Variants in ST6GALNAC1 observed in about 807,000 individuals in gnomAD.
ST6GALNAC1 encodes alpha-N-acetylgalactosaminide alpha-2,6-sialyltransferase 1.
ST6GALNAC1 carries 45 observed loss-of-function variants against 56.8 expected under a neutral mutation model. The ratio of observed to expected loss-of-function variants is 0.79; its 90% CI spans 0.62 to 1.02. The LOEUF (loss-of-function observed/expected upper bound fraction) is 1.02, where lower values mean the gene tolerates loss of function less well. Ranked by LOEUF, ST6GALNAC1 falls within the 50% of genes least tolerant of loss-of-function variation. ST6GALNAC1 has a pLI of 0.00. For synonymous variants in ST6GALNAC1, 295 were observed against 297.8 expected (o/e 0.99, Z 0.10); for missense variants, 743 against 754.8 (o/e 0.98, Z 0.18).
At chr17:76,632,188 T>C (rs1178230664) in intron 1 of ST6GALNAC1, among the ~76,000 whole-genome samples, 1 of 152,166 alleles carries the variant, frequency 6.6e-6, no homozygotes, top group Non-Finnish European at 1.5e-5. Flanking sequence ...TCAAGAAGCC[T>C]ATGGAAACTT....
Position 76,626,555 on chromosome 17 carries a change from A to G in ST6GALNAC1, c.1311+96T>C, listed in dbSNP as rs1026693460. 3 of 1,558,344 alleles carry G rather than the reference A, an allele frequency of 1.9e-6. No homozygotes were observed. In the African/African-American group the frequency reaches 4.1e-5, roughly 21 times the overall value. On this transcript the variant is annotated intron_variant, in intron 5 of 8. Transcript: ENST00000156626. Reference sequence around the variant, plus strand: ...GGAGGGGAGCCTGTACCAACCACAGACTCCATCCGGATGAAAGCCTCTCCT... The same window carrying G: ...GGAGGGGAGCCTGTACCAACCACAGGCTCCATCCGGATGAAAGCCTCTCCT...
Position 76,638,738 on chromosome 17 carries a change from C to T in ST6GALNAC1, c.131+4770G>A, listed in dbSNP as rs371840233. Reference sequence around the variant, plus strand: ...CTGGAATTACAGGCACCGGACCATGCCCGGCTAATTTTTGTATTTTTTAGG... The same window carrying T: ...CTGGAATTACAGGCACCGGACCATGTCCGGCTAATTTTTGTATTTTTTAGG... On this transcript the variant is annotated intron_variant, in intron 1 of 8. Coordinates refer to ENST00000156626, the MANE Select transcript of ST6GALNAC1 (RefSeq NM_018414.5). Among the ~76,000 whole-genome samples, 145 of 152,220 alleles carry T rather than the reference C, an allele frequency of 9.5e-4. 2 individuals are homozygous for T. The South Asian group carries it at 0.014, about 15-fold the overall frequency.
intron 1 of ST6GALNAC1, among the ~76,000 whole-genome samples, chr17:76,639,917 T>G (rs1380734917): frequency 3.9e-5 from 6 of 151,988 alleles, no homozygotes; most frequent in African/African-American, 1.5e-4. Context: ...GTTACTTAAG[T>G]GAGCGCCTGT....
chr17:76,632,380 TG>T (rs2075915975), intron 1 of ST6GALNAC1, among the ~76,000 whole-genome samples: 1 of 152,022 alleles, frequency 6.6e-6, no homozygotes, highest in South Asian at 2.1e-4. Context: ...ACACATAGCA[TG>T]GACAGCTGGC....
At chr17:76,626,563 C>G (rs979687485) in intron 5 of ST6GALNAC1, 88 bp downstream of exon 5, 7 of 1,581,918 alleles carry the variant, frequency 4.4e-6, no homozygotes, top group Non-Finnish European at 6.0e-6. Context: ...AGACTCCATC[C>G]GGATGAAAGC....
At chr17:76,642,547 A>G (rs2076062313) in intron 1 of ST6GALNAC1, among the ~76,000 whole-genome samples, 1 of 152,176 alleles carries the variant, frequency 6.6e-6, no homozygotes, top group Non-Finnish European at 1.5e-5. Flanking sequence ...TGGAGGTATA[A>G]TAGGGAGACC....
At chr17:76,622,294 C>G (rs2075749767), downstream of ST6GALNAC1, among the ~76,000 whole-genome samples, 1 of 150,610 alleles carries the variant, frequency 6.6e-6, no homozygotes, top group Non-Finnish European at 1.5e-5. Flanking sequence ...ATATATGTGG[C>G]AAATATTTTC....
In ST6GALNAC1 at chr17:76,625,231, C is replaced by A; in HGVS notation, c.*99G>T. ...CTTGGAACTCCTGAAGGGCTTGGAGCTTAGTCTGAGCCATGGGAAATGGCC... is the reference window on the plus strand; with the variant it reads ...CTTGGAACTCCTGAAGGGCTTGGAGATTAGTCTGAGCCATGGGAAATGGCC... On this transcript the variant is annotated 3_prime_UTR_variant, in exon 9 of 9. Coordinates refer to ENST00000156626, the MANE Select transcript of ST6GALNAC1 (RefSeq NM_018414.5). 7.7e-7 allele frequency: 1 copy of A among 1,304,108 alleles called. No individual in the cohort carries two copies. 80.8% of individuals were successfully genotyped at this position (1,304,108 alleles called of 1,614,324 possible). A position where few individuals can be genotyped will look rare whatever the true frequency, so the allele number is the denominator to read the frequency against.
At chr17:76,625,553 C>T (rs2286595) in intron 8 of ST6GALNAC1, 26 bp from the exon 9 acceptor site, 821,249 of 1,609,810 alleles carry the variant, frequency 0.51, 214,405 homozygotes, top group Non-Finnish European at 0.55. Flanking sequence ...AGGAGAAACA[C>T]GGCCTGTAGT....
chr17:76,638,860 G>A (rs1322009687), intron 1 of ST6GALNAC1, among the ~76,000 whole-genome samples: 2 of 147,328 alleles, frequency 1.4e-5, no homozygotes, highest in African/African-American at 5.2e-5. Context: ...GGATTTAGGC[G>A]TGAGCCACTG....
At chr17:76,630,126 A>G (rs566917829) in intron 1 of ST6GALNAC1, among the ~76,000 whole-genome samples, 2 of 152,308 alleles carry the variant, frequency 1.3e-5, no homozygotes, top group Admixed American at 6.5e-5. Context: ...AATTTGAGAT[A>G]TGTACATAGG....
At chr17:76,621,576 A>G (rs1567948945), downstream of ST6GALNAC1, among the ~76,000 whole-genome samples, 1 of 152,052 alleles carries the variant, frequency 6.6e-6, no homozygotes, top group Non-Finnish European at 1.5e-5. Context: ...CCCAGGTTCA[A>G]GCAATGCTCC....
chr17:76,625,763 G>T, intron 8 of ST6GALNAC1, 56 bp downstream of exon 8: 1 of 1,408,790 alleles, frequency 7.1e-7, no homozygotes, highest in East Asian at 2.4e-5. Flanking sequence ...AACAGGCCCA[G>T]GAATAGCCCA....
At chr17:76,630,234 C>T (rs114077445) in intron 1 of ST6GALNAC1, among the ~76,000 whole-genome samples, 4,443 of 152,310 alleles carry the variant, frequency 0.029, 96 homozygotes, top group South Asian at 0.061. Flanking sequence ...GAATAAGACA[C>T]AGACCTTGGA....
chr17:76,627,147 G>A lies in ST6GALNAC1; in HGVS notation c.1092C>T (p.Thr364=), dbSNP rs775390395. The part of the protein sequence containing the change: ...SLPAGSLRCI[T]CAVVGNGGIL... ...TGCCCCCGTTGCCCACCACGGCACAGGTGATGCACCGGAGGCTCCCAGCGG... is the reference window on the plus strand; with the variant it reads ...TGCCCCCGTTGCCCACCACGGCACAAGTGATGCACCGGAGGCTCCCAGCGG... Residue 364 remains threonine (T), a synonymous_variant, in exon 4 of 9, where the codon ACC becomes ACT. Coordinates refer to ENST00000156626, the MANE Select transcript of ST6GALNAC1 (RefSeq NM_018414.5). This position sits in a 1 kb window ranked among gnomAD's most constrained non-coding sequence, Gnocchi z 4.4. 11 of 1,606,452 alleles carry A rather than the reference G, an allele frequency of 6.8e-6. No homozygotes were observed. The highest frequency in any genetic ancestry group is 8.5e-6 in the Non-Finnish European group (10 of 1,175,906).
rs371360667 is a variant in ST6GALNAC1, at chr17:76,626,679, C to T, written c.1283G>A (p.Arg428Gln). ...CCCAAGAGGCACGTTCTTGAAACCCCGATTGCCCAATATAAGGAGTGACTG... is the reference window on the plus strand; with the variant it reads ...CCCAAGAGGCACGTTCTTGAAACCCTGATTGCCCAATATAAGGAGTGACTG... ...LTQSLLILGN[R>Q]GFKNVPLGKD... The change falls in exon 5 of 9, where the codon CGG (arginine) becomes CAG (glutamine). Residue 428 changes from arginine (R) to glutamine (Q), a missense_variant. Arg to Gln is a conservative substitution (Grantham distance 43). Transcript: ENST00000156626. 2.7e-5 allele frequency: 44 copies of T among 1,614,174 alleles called. No individual in the cohort carries two copies. The East Asian group carries it at 5.1e-4, about 19-fold the overall frequency.
the ST6GALNAC1 span, among the ~76,000 whole-genome samples, chr17:76,617,770 C>CA: frequency 4.2e-3 from 424 of 101,210 alleles, 1 homozygote; most frequent in Middle Eastern, 0.012. Context: ...GACTCTGTCT[C>CA]AAAAAAAAAA....
At chr17:76,643,155 A>G (rs1469258846) in intron 1 of ST6GALNAC1, among the ~76,000 whole-genome samples, 3 of 152,208 alleles carry the variant, frequency 2.0e-5, no homozygotes, top group Non-Finnish European at 4.4e-5. Flanking sequence ...AATGGCATGT[A>G]AGAACTAACC....
At chr17:76,634,460 TC>T (rs1373460722) in intron 1 of ST6GALNAC1, among the ~76,000 whole-genome samples, 1 of 152,164 alleles carries the variant, frequency 6.6e-6, no homozygotes, top group Non-Finnish European at 1.5e-5. Flanking sequence ...GGCCTGGAGT[TC>T]CCAAGACCCC....
Sources: gnomAD v4.1 joint callset for allele counts (sites outside exome capture counted in the v4.1 genomes callset) on GRCh38, gnomAD v4.1.1 for gene constraint, Gnocchi (gnomAD v3.1) non-coding constraint, MANE v1.5 for transcripts, NCBI Gene and HGNC (gene_info 2026-07-23, HGNC 2026-07-21) for gene names.